The following CD86 variants were observed in gnomAD, a reference collection of about 807,000 sequenced individuals.
The protein encoded by CD86 is T-lymphocyte activation antigen CD86.
CD86 carries 11 observed loss-of-function variants against 32.1 expected under a neutral mutation model. The ratio of observed to expected loss-of-function variants is 0.34; its 90% CI spans 0.22 to 0.57. The LOEUF (loss-of-function observed/expected upper bound fraction) is 0.57. CD86 is among the 20% of genes least tolerant of loss of function. CD86 has a pLI of 0.86. For missense variants in CD86, 359 were observed against 398.4 expected, an observed-to-expected ratio of 0.90 and a Z score of 0.84; for synonymous variants, 137 against 135.3, an observed-to-expected ratio of 1.01 and a Z score of -0.09.
chr3:122,091,669 T>C lies in CD86; in HGVS notation c.64+19T>C, dbSNP rs1403318698. The C allele has an allele frequency of 1.2e-6, 2 of 1,603,992 alleles. No individual in the cohort carries two copies. Among genetic ancestry groups the C allele is most frequent in the African/African-American group, 2.7e-5 (2 of 74,730 alleles). ...CTCTCTGGTAAGAACCTTTCAGCTTTGTTAAGTCCTGGAATCCTACTGTCT... is the reference window on the plus strand; with the variant it reads ...CTCTCTGGTAAGAACCTTTCAGCTTCGTTAAGTCCTGGAATCCTACTGTCT... On this transcript the variant is annotated intron_variant, in intron 2 of 6. Coordinates refer to ENST00000330540, the MANE Select transcript of CD86 (RefSeq NM_175862.5).
At chr3:122,055,613 G>GGA (rs2072221986) in intron 1 of CD86, 110 bp downstream of exon 1, 2 of 992,486 alleles carry the variant, frequency 2.0e-6, no homozygotes, top group East Asian at 4.8e-5. Flanking sequence ...GTTCCTAAGT[G>GGA]GAGAAGCTTT....
At chr3:122,094,336 C>A (rs2072873845) in intron 2 of CD86, among the ~76,000 whole-genome samples, 1 of 152,136 alleles carries the variant, frequency 6.6e-6, no homozygotes, top group African/African-American at 2.4e-5. Context: ...TTTCTTAGCT[C>A]CTGAGAAAAG....
intron 1 of CD86, among the ~76,000 whole-genome samples, chr3:122,067,804 T>C (rs972428026): frequency 6.6e-6 from 1 of 152,172 alleles, no homozygotes; most frequent in South Asian, 2.1e-4. Flanking sequence ...AGTAGAAAGA[T>C]TGACACCTTC....
At chr3:122,056,654 A>G (rs189267081) in intron 1 of CD86, among the ~76,000 whole-genome samples, 1 of 152,250 alleles carries the variant, frequency 6.6e-6, no homozygotes, top group Admixed American at 6.5e-5. Flanking sequence ...ATTTATAATT[A>G]CTGTTCTTTG....
intron 1 of CD86, 47 bp from the exon 2 acceptor site, chr3:122,091,554 A>G (rs374044667): frequency 7.6e-6 from 11 of 1,454,682 alleles, no homozygotes; most frequent in African/African-American, 1.5e-5. Flanking sequence ...ATCGGTTTTC[A>G]GTTTCCTTTT....
chr3:122,072,388 C>T (rs1369725341), intron 1 of CD86, among the ~76,000 whole-genome samples: 1 of 151,890 alleles, frequency 6.6e-6, no homozygotes, highest in Non-Finnish European at 1.5e-5. Flanking sequence ...CTCTCCAGCA[C>T]CTGTTGTTTC....
chr3:122,082,957 G>T (rs188338855), intron 1 of CD86, among the ~76,000 whole-genome samples: 1 of 152,314 alleles, frequency 6.6e-6, no homozygotes, highest in East Asian at 1.9e-4. Flanking sequence ...TGATGCAGTT[G>T]CTGAGTCAAA....
intron 1 of CD86, 111 bp from the exon 2 acceptor site, chr3:122,091,490 C>T: frequency 1.2e-6 from 1 of 833,506 alleles, no homozygotes; most frequent in Non-Finnish European, 2.1e-6. Flanking sequence ...TCTCTGCACA[C>T]CCGAGAACCC....
chr3:122,066,912 G>GA (rs923674118), intron 1 of CD86, among the ~76,000 whole-genome samples: 21 of 152,206 alleles, frequency 1.4e-4, no homozygotes, highest in Middle Eastern at 3.4e-3. Flanking sequence ...AAGATATGGT[G>GA]AAAAAAAGAG....
At chr3:122,112,957 C>T (rs1419174232) in intron 5 of CD86, among the ~76,000 whole-genome samples, 2 of 152,194 alleles carry the variant, frequency 1.3e-5, no homozygotes, top group Non-Finnish European at 2.9e-5. Flanking sequence ...ACCTGTCACT[C>T]GAGCAGTGTA....
In CD86 at chr3:122,097,073, T is replaced by G. The variant is rs2072919169; in HGVS notation, c.64+5423T>G. 2.0e-5 allele frequency among the ~76,000 whole-genome samples: 3 copies of G among 152,188 alleles called. No individual in the cohort carries two copies. In the South Asian group the frequency reaches 6.2e-4, roughly 32 times the overall value. ...TTTTACCAGCAGTAAATTCAGCAGT[T>G]AGGACCCATTTTCCTAACACTCTCG... On this transcript the variant is annotated intron_variant, in intron 2 of 6. Coordinates refer to ENST00000330540, the MANE Select transcript of CD86 (RefSeq NM_175862.5).
At chr3:122,091,493 G>A (rs934654219) in intron 1 of CD86, 108 bp from the exon 2 acceptor site, 13 of 863,174 alleles carry the variant, frequency 1.5e-5, no homozygotes, top group Non-Finnish European at 2.0e-5. Flanking sequence ...CTGCACACCC[G>A]AGAACCCAAG....
At chr3:122,073,363 C>T (rs1022408027) in intron 1 of CD86, among the ~76,000 whole-genome samples, 2 of 151,750 alleles carry the variant, frequency 1.3e-5, no homozygotes, top group South Asian at 4.1e-4. Context: ...TTAAATTGGG[C>T]TGTTTGTTCT....
intron 3 of CD86, 58 bp downstream of exon 3, chr3:122,103,905 G>A: frequency 7.1e-7 from 1 of 1,407,372 alleles, no homozygotes; most frequent in Non-Finnish European, 9.8e-7. Flanking sequence ...GACTGCAAAT[G>A]AGTTAGAAAA....
chr3:122,107,392 C>G (rs1438291649), intron 4 of CD86, among the ~76,000 whole-genome samples: 1 of 152,114 alleles, frequency 6.6e-6, no homozygotes, highest in African/African-American at 2.4e-5. Flanking sequence ...GCCTTGGAGG[C>G]AGAAATGCTT....
chr3:122,109,162 A>G (rs1246405420), intron 4 of CD86, 103 bp from the exon 5 acceptor site: 4 of 1,225,188 alleles, frequency 3.3e-6, no homozygotes, highest in Non-Finnish European at 4.6e-6. Context: ...CTGGCCTTAG[A>G]GCCCTGGGGA....
At chr3:122,083,937 G>A (rs888637932) in intron 1 of CD86, among the ~76,000 whole-genome samples, 1 of 152,086 alleles carries the variant, frequency 6.6e-6, no homozygotes, top group Non-Finnish European at 1.5e-5. Flanking sequence ...TCTTTAATGT[G>A]ACTACTACAA....
intron 1 of CD86, among the ~76,000 whole-genome samples, chr3:122,070,614 A>G (rs531133404): frequency 6.6e-6 from 1 of 152,342 alleles, no homozygotes; most frequent in East Asian, 1.9e-4. Flanking sequence ...CTTCAGAAAC[A>G]TGGAACTGAA....
intron 1 of CD86, among the ~76,000 whole-genome samples, chr3:122,067,207 GT>G (rs2072426961): frequency 6.6e-6 from 1 of 152,208 alleles, no homozygotes; most frequent in African/African-American, 2.4e-5. Context: ...GGCCTTGTGT[GT>G]CTTGCTGAGA....
Sources: gnomAD v4.1 joint callset for allele counts (sites outside exome capture counted in the v4.1 genomes callset) on GRCh38, gnomAD v4.1.1 for gene constraint, MANE v1.5 for transcripts, NCBI Gene and HGNC (gene_info 2026-07-23, HGNC 2026-07-21) for gene names.